The following CNTN3 variants were observed in gnomAD, a reference collection of about 807,000 sequenced individuals.
CNTN3 encodes the protein contactin-3.
In CNTN3, 60 loss-of-function variants were observed where a neutral mutation model predicts 119.1. That is an observed-to-expected ratio of 0.50 (90% CI 0.41 to 0.62). The LOEUF (loss-of-function observed/expected upper bound fraction) is 0.62, where lower values mean the gene tolerates loss of function less well. CNTN3 is among the 20% of genes least tolerant of loss of function. The pLI is 0.00. For synonymous variants in CNTN3, 450 were observed against 438.7 expected, an observed-to-expected ratio of 1.03 and a Z score of -0.32; for missense variants, 1,101 against 1,242.4, an observed-to-expected ratio of 0.89 and a Z score of 1.71.
intron 3 of CNTN3, 99 bp from the exon 4 acceptor site, chr3:74,486,730 A>C: frequency 1.1e-6 from 1 of 948,770 alleles, no homozygotes; most frequent in Non-Finnish European, 1.5e-6. Flanking sequence ...CCTCAAAAGT[A>C]AAAAGTGATA....
chr3:74,611,589 A>T (rs1705082715), intron 1 of CNTN3, among the ~76,000 whole-genome samples: 1 of 152,180 alleles, frequency 6.6e-6, no homozygotes, highest in Admixed American at 6.5e-5. Flanking sequence ...CCTCAATTTC[A>T]AAGAAATGTT....
At chr3:74,505,542 T>C (rs1703243326) in intron 2 of CNTN3, among the ~76,000 whole-genome samples, 1 of 144,548 alleles carries the variant, frequency 6.9e-6, no homozygotes, top group South Asian at 2.2e-4. Context: ...ACACACAATA[T>C]GTTACAGAAA....
chr3:74,384,051 C>G (rs924517809), intron 5 of CNTN3, among the ~76,000 whole-genome samples: 4 of 152,164 alleles, frequency 2.6e-5, no homozygotes, highest in Non-Finnish European at 5.9e-5. Context: ...TCAAGCCAAA[C>G]TGAATATTTA....
chr3:74,539,668 T>C (rs1228510105), intron 1 of CNTN3, among the ~76,000 whole-genome samples: 1 of 152,162 alleles, frequency 6.6e-6, no homozygotes, highest in Non-Finnish European at 1.5e-5. Context: ...TGCTTTTCTG[T>C]TAAGTGCTGG....
intron 3 of CNTN3, among the ~76,000 whole-genome samples, chr3:74,488,760 A>G (rs1336994479): frequency 6.6e-6 from 1 of 152,230 alleles, no homozygotes; most frequent in African/African-American, 2.4e-5. Context: ...CCCAAATGAA[A>G]TTAAGAGAAT....
intron 2 of CNTN3, among the ~76,000 whole-genome samples, chr3:74,508,754 CACA>C (rs1703311432): frequency 1.3e-5 from 2 of 152,266 alleles, no homozygotes; most frequent in Non-Finnish European, 1.5e-5. Context: ...TTCATATCAT[CACA>C]ACATCAATGG....
At chr3:74,577,427 TG>T (rs1181955472) in intron 1 of CNTN3, among the ~76,000 whole-genome samples, 4 of 151,878 alleles carry the variant, frequency 2.6e-5, no homozygotes, top group African/African-American at 7.3e-5. Flanking sequence ...TTCTCAAGAG[TG>T]GGGGGGAAAA....
At chr3:74,438,969 C>T (rs1022654498) in intron 4 of CNTN3, among the ~76,000 whole-genome samples, 4 of 152,244 alleles carry the variant, frequency 2.6e-5, no homozygotes, top group Non-Finnish European at 5.9e-5. Context: ...TAACACTTCA[C>T]CCTGCAACAA....
At position 74,266,500 on chromosome 3, in the gene CNTN3, G is replaced by A. The variant is rs745766455; in HGVS notation, c.2967C>T (p.Ile989=). The change falls in exon 22 of 23, where the codon ATC becomes ATT. Residue 989 remains isoleucine (I), a synonymous_variant. Transcript: ENST00000263665. ...ACTTACTGGTTATTCGTGGAATCCT[G>A]ATCTGTTCACTACTGGTCCCATCCC... The part of the protein sequence containing the change: ...DGGDGTSSEQ[I]RIPRITSMDA... 10 of 1,613,280 alleles carry A rather than the reference G, an allele frequency of 6.2e-6. No homozygotes were observed. Among genetic ancestry groups the A allele is most frequent in the Non-Finnish European group, 8.5e-6 (10 of 1,179,430 alleles).
intron 1 of CNTN3, among the ~76,000 whole-genome samples, chr3:74,559,857 T>G (rs1704127785): frequency 6.6e-6 from 1 of 152,156 alleles, no homozygotes; most frequent in Non-Finnish European, 1.5e-5. Context: ...TAACCAGAAT[T>G]ATGGAGTCAA....
At chr3:74,567,167 G>T (rs1295407174) in intron 1 of CNTN3, among the ~76,000 whole-genome samples, 4 of 151,872 alleles carry the variant, frequency 2.6e-5, no homozygotes, top group African/African-American at 9.7e-5. Flanking sequence ...ATTTGAGACA[G>T]GGTTTTACTC....
At chr3:74,457,200 A>G (rs2106963772) in intron 4 of CNTN3, among the ~76,000 whole-genome samples, 1 of 152,186 alleles carries the variant, frequency 6.6e-6, no homozygotes, top group Non-Finnish European at 1.5e-5. Flanking sequence ...GGAAAAAAAG[A>G]AATCACCATT....
chr3:74,527,068 A>G (rs1442206559), intron 1 of CNTN3, among the ~76,000 whole-genome samples: 2 of 151,900 alleles, frequency 1.3e-5, no homozygotes, highest in East Asian at 3.9e-4. Context: ...TCATATGTAT[A>G]TATGTGTATA....
intron 20 of CNTN3, among the ~76,000 whole-genome samples, chr3:74,273,176 G>C (rs891558071): frequency 1.3e-5 from 2 of 152,112 alleles, no homozygotes; most frequent in African/African-American, 4.8e-5. Flanking sequence ...TGTGTTTGAG[G>C]TAGCAATAGT....
intron 5 of CNTN3, among the ~76,000 whole-genome samples, chr3:74,396,108 G>C (rs9826695): frequency 6.6e-6 from 1 of 152,036 alleles, no homozygotes; most frequent in South Asian, 2.1e-4. Flanking sequence ...CCTATTTGCC[G>C]AGACATAACA....
chr3:74,283,684 G>C (rs1702058408), intron 20 of CNTN3, among the ~76,000 whole-genome samples: 2 of 152,072 alleles, frequency 1.3e-5, no homozygotes, highest in Non-Finnish European at 2.9e-5. Context: ...ATATATTTTT[G>C]CAATCAGAAT....
intron 5 of CNTN3, 100 bp downstream of exon 5, chr3:74,424,745 G>C (rs990512459): frequency 1.0e-6 from 1 of 967,048 alleles, no homozygotes; most frequent in Non-Finnish European, 1.6e-6. Context: ...AGGTTATCAA[G>C]TTTCTCAGAG....
At chr3:74,285,273 C>T (rs201947328) in intron 20 of CNTN3, 32 bp downstream of exon 20, 25 of 1,562,372 alleles carry the variant, frequency 1.6e-5, no homozygotes, top group East Asian at 1.1e-4. Flanking sequence ...AACTATTTTC[C>T]GTACCATTCA....
intron 3 of CNTN3, among the ~76,000 whole-genome samples, chr3:74,495,895 G>A (rs184676081): frequency 1.3e-3 from 197 of 152,066 alleles, no homozygotes; most frequent in Admixed American, 3.2e-3. Flanking sequence ...AGAGAATAAC[G>A]TTCTGTTTAC....
Sources: gnomAD v4.1 joint callset for allele counts (sites outside exome capture counted in the v4.1 genomes callset) on GRCh38, gnomAD v4.1.1 for gene constraint, MANE v1.5 for transcripts, NCBI Gene and HGNC (gene_info 2026-07-23, HGNC 2026-07-21) for gene names.